PDLIM5: variants seen among roughly 807,000 people sequenced by gnomAD.
PDLIM5 encodes PDZ and LIM domain protein 5.
Under a neutral mutation model 64.2 loss-of-function variants are expected in PDLIM5, and 34 were observed. The observed-to-expected ratio is 0.53, with a 90% CI of 0.40 to 0.71. The LOEUF is 0.71. Among genes scored for constraint, PDLIM5 ranks in the 30% least tolerant of loss-of-function variants. The pLI is 0.00. For synonymous variants in PDLIM5, 253 were observed against 269.1 expected (o/e 0.94, Z 0.59); for missense variants, 683 against 733.6 (o/e 0.93, Z 0.80).
chr4:94,636,824 C>T (rs1439280777), intron 8 of PDLIM5, among the ~76,000 whole-genome samples: 5 of 152,044 alleles, frequency 3.3e-5, no homozygotes, highest in South Asian at 4.1e-4. Context: ...CGTGAGCCAC[C>T]GCGCCGGGCC....
chr4:94,474,781 C>A (rs1231882252), intron 2 of PDLIM5, among the ~76,000 whole-genome samples: 1 of 152,180 alleles, frequency 6.6e-6, no homozygotes, highest in Non-Finnish European at 1.5e-5. Context: ...TCCCAGGTGG[C>A]TGGGATTACA....
At chr4:94,549,023 G>A (rs1165581453) in intron 3 of PDLIM5, among the ~76,000 whole-genome samples, 3 of 151,746 alleles carry the variant, frequency 2.0e-5, no homozygotes, top group African/African-American at 7.3e-5. Flanking sequence ...GGATCTACAC[G>A]AGGTTGTTAA....
chr4:94,582,680 A>G (rs1735827771), intron 5 of PDLIM5: 2 of 1,492,746 alleles, frequency 1.3e-6, no homozygotes, highest in South Asian at 2.3e-5. Flanking sequence ...TCTCTACTCT[A>G]TCGCATCTTT....
At chr4:94,593,715 G>A (rs1222984953) in intron 7 of PDLIM5, among the ~76,000 whole-genome samples, 1 of 151,968 alleles carries the variant, frequency 6.6e-6, no homozygotes, top group Admixed American at 6.6e-5. Flanking sequence ...AATAATGGAG[G>A]GATACAGTTC....
chr4:94,584,247 T>C (rs1210428520), intron 5 of PDLIM5, among the ~76,000 whole-genome samples: 1 of 152,208 alleles, frequency 6.6e-6, no homozygotes, highest in Non-Finnish European at 1.5e-5. Context: ...TTTTTCTCTT[T>C]TGAAATTAAA....
intron 7 of PDLIM5, among the ~76,000 whole-genome samples, chr4:94,600,102 G>A (rs889418689): frequency 2.0e-5 from 3 of 152,206 alleles, no homozygotes; most frequent in South Asian, 2.1e-4. Flanking sequence ...GAAGCATGAT[G>A]TGATTAATCC....
chr4:94,579,406 G>T (rs187217480), intron 5 of PDLIM5: 18 of 453,528 alleles, frequency 4.0e-5, no homozygotes, highest in African/African-American at 2.6e-4. Context: ...TTTTAATTTT[G>T]TTGGACTGAA....
At chr4:94,466,592 G>C (rs1724388349) in intron 2 of PDLIM5, among the ~76,000 whole-genome samples, 1 of 152,064 alleles carries the variant, frequency 6.6e-6, no homozygotes, top group Non-Finnish European at 1.5e-5. Context: ...TTTTATTATA[G>C]AGCTTTTGTT....
chr4:94,618,147 C>T lies in PDLIM5; in HGVS notation c.1064C>T (p.Thr355Ile). 1 of 1,608,960 alleles carries T rather than the reference C, an allele frequency of 6.2e-7. No homozygotes were observed. The highest frequency in any genetic ancestry group is 8.5e-7 in the Non-Finnish European group (1 of 1,177,820). ...GCTGCCTTCAAGCCTGTAGGATCCA[C>T]TGGCGTCATCAAGTCACCAAGCTGG... ...AAAAFKPVGS[T>I]GVIKSPSWQR... is the part of the protein sequence containing the mutation. The change falls in exon 8 of 13, where the codon ACT becomes ATT. Residue 355 changes from threonine to isoleucine, a missense_variant. Physicochemically the swap from Thr to Ile is moderately conservative, Grantham distance 89. Coordinates refer to ENST00000317968, the MANE Select transcript of PDLIM5 (RefSeq NM_006457.5).
In PDLIM5 at chr4:94,524,302, G is replaced by A. The variant is rs538067909; in HGVS notation, c.248+427G>A. On this transcript the variant is annotated intron_variant, in intron 3 of 12. Transcript: ENST00000317968. ...GAGGATTGCTTGAGCCCAGGAGGTCGAGGTTGCATTAAGCTCTGATCGTGC... is the reference window on the plus strand; with the variant it reads ...GAGGATTGCTTGAGCCCAGGAGGTCAAGGTTGCATTAAGCTCTGATCGTGC... Among the ~76,000 whole-genome samples, 7 of 149,056 alleles carry A rather than the reference G, an allele frequency of 4.7e-5. No homozygotes were observed. In the South Asian group the frequency reaches 1.3e-3, roughly 27 times the overall value.
At chr4:94,585,121 C>G (rs536763243) in intron 5 of PDLIM5, 5 of 604,232 alleles carry the variant, frequency 8.3e-6, no homozygotes, top group Non-Finnish European at 1.4e-5. Context: ...AACAGAGTCT[C>G]GCTCTGTTGC....
At chr4:94,521,411 A>C (rs572210323) in intron 2 of PDLIM5, among the ~76,000 whole-genome samples, 1 of 152,078 alleles carries the variant, frequency 6.6e-6, no homozygotes, top group Non-Finnish European at 1.5e-5. Context: ...GAATGGAAGG[A>C]TGGACAGATC....
intron 2 of PDLIM5, among the ~76,000 whole-genome samples, chr4:94,467,429 T>A (rs1275029449): frequency 6.6e-6 from 1 of 151,496 alleles, no homozygotes; most frequent in Non-Finnish European, 1.5e-5. Context: ...ATTCTGTGCC[T>A]CAGCCTCCTG....
chr4:94,452,556 G>C (rs1047803941), intron 1 of PDLIM5, among the ~76,000 whole-genome samples: 27 of 152,360 alleles, frequency 1.8e-4, no homozygotes, highest in South Asian at 1.4e-3. Context: ...ACTTCTGCGC[G>C]TCCAGAAATA....
intron 2 of PDLIM5, among the ~76,000 whole-genome samples, chr4:94,485,876 A>G (rs985731799): frequency 2.0e-5 from 3 of 151,892 alleles, no homozygotes; most frequent in African/African-American, 7.3e-5. Context: ...AGAAAAAGAA[A>G]TATTATCTCT....
intron 2 of PDLIM5, among the ~76,000 whole-genome samples, chr4:94,516,873 A>G (rs1282781907): frequency 4.6e-5 from 7 of 152,130 alleles, no homozygotes. Context: ...TAGACACATA[A>G]ACCAGAGATT....
intron 2 of PDLIM5, among the ~76,000 whole-genome samples, chr4:94,492,658 A>G (rs1726979678): frequency 6.6e-6 from 1 of 152,028 alleles, no homozygotes; most frequent in South Asian, 2.1e-4. Flanking sequence ...GGCTTTTTTC[A>G]CTTACCATAA....
At chr4:94,497,073 T>A (rs1488365596) in intron 2 of PDLIM5, among the ~76,000 whole-genome samples, 2 of 152,198 alleles carry the variant, frequency 1.3e-5, no homozygotes, top group African/African-American at 4.8e-5. Flanking sequence ...ACCAAATGGG[T>A]GAATTGTGAT....
intron 2 of PDLIM5, among the ~76,000 whole-genome samples, chr4:94,485,863 A>G (rs953315026): frequency 2.0e-5 from 3 of 151,842 alleles, no homozygotes. Flanking sequence ...AAAAAAAAAA[A>G]AAAGAAAAAG....
Sources: allele counts gnomAD v4.1 joint callset (sites outside exome capture counted in the v4.1 genomes callset), GRCh38; gene constraint gnomAD v4.1.1; transcripts MANE v1.5; gene names NCBI Gene and HGNC (gene_info 2026-07-23, HGNC 2026-07-21).